DPP4: variants seen among roughly 807,000 people sequenced by gnomAD.
DPP4 encodes ADCP-2.
Under a neutral mutation model 122.4 loss-of-function variants are expected in DPP4, and 93 were observed. That is an observed-to-expected ratio of 0.76 (90% CI 0.64 to 0.90). DPP4 has a LOEUF of 0.90. DPP4 is among the 40% of genes least tolerant of loss of function. The pLI, the probability that DPP4 is intolerant of heterozygous loss-of-function variation, is 0.00. For missense variants in DPP4, 914 were observed against 907.3 expected, an observed-to-expected ratio of 1.01 and a Z score of -0.09; for synonymous variants, 321 against 302.9, an observed-to-expected ratio of 1.06 and a Z score of -0.62.
chr2:162,071,847 C>T (rs930041266), intron 2 of DPP4, among the ~76,000 whole-genome samples: 2 of 152,196 alleles, frequency 1.3e-5, no homozygotes, highest in African/African-American at 4.8e-5. Context: ...AGCCTCAGAT[C>T]CCTAGGCCTT....
chr2:161,998,391 CCTT>C (rs1175455008), intron 23 of DPP4, among the ~76,000 whole-genome samples: 2 of 152,144 alleles, frequency 1.3e-5, no homozygotes, highest in Non-Finnish European at 2.9e-5. Context: ...CTTCCTCCCT[CCTT>C]GTTGCTCTCC....
intron 23 of DPP4, among the ~76,000 whole-genome samples, chr2:161,998,624 C>T (rs1459659313): frequency 6.6e-6 from 1 of 152,156 alleles, no homozygotes; most frequent in Non-Finnish European, 1.5e-5. Flanking sequence ...CATATAAATA[C>T]GCAGGACAGT....
chr2:162,011,706 AT>A, intron 20 of DPP4, 86 bp downstream of exon 20: 1 of 1,367,590 alleles, frequency 7.3e-7, no homozygotes, highest in South Asian at 1.4e-5. Flanking sequence ...AACACTTTAA[AT>A]TATTTACACT....
chr2:162,009,203 C>T (rs192554250), intron 21 of DPP4, 38 bp downstream of exon 21: 1 of 1,602,944 alleles, frequency 6.2e-7, no homozygotes, highest in African/African-American at 1.3e-5. Flanking sequence ...GTGATATTCA[C>T]TAACGAATGC....
chr2:161,993,112 G>A lies in DPP4; in HGVS notation c.*171C>T. 2 of 563,062 alleles carry A rather than the reference G, an allele frequency of 3.6e-6. No homozygotes were observed. The highest frequency in any genetic ancestry group is 2.4e-5 in the South Asian group (1 of 42,454). The allele number at this position is 563,062 out of a possible 1,614,324, so 34.9% of individuals were successfully genotyped here. A position where few individuals can be genotyped will look rare whatever the true frequency, so the allele number is the denominator to read the frequency against. On this transcript the variant is annotated 3_prime_UTR_variant, in exon 26 of 26. Coordinates refer to ENST00000360534, the MANE Select transcript of DPP4 (RefSeq NM_001935.4). ...AAGGTAATAATCTGTTGTGAAGACA[G>A]AAGTCCCTACTTAAGATGATAGGTA... is the stretch of plus-strand genomic sequence containing the variant.
intron 2 of DPP4, among the ~76,000 whole-genome samples, chr2:162,058,641 A>G (rs1447270565): frequency 6.6e-6 from 1 of 152,226 alleles, no homozygotes; most frequent in East Asian, 1.9e-4. Flanking sequence ...TACAACATCT[A>G]GACCTGGAGT....
At chr2:162,046,794 C>T in intron 4 of DPP4, 121 bp downstream of exon 4, 2 of 737,266 alleles carry the variant, frequency 2.7e-6, no homozygotes, top group Non-Finnish European at 4.9e-6. Context: ...GAAAGATCCA[C>T]TTTGCCATAT....
intron 2 of DPP4, among the ~76,000 whole-genome samples, chr2:162,051,883 C>CT (rs1405314928): frequency 1.3e-5 from 2 of 152,142 alleles, no homozygotes; most frequent in Non-Finnish European, 2.9e-5. Flanking sequence ...CATTTCTTGC[C>CT]TTGGGGCCTT....
At chr2:162,073,370 CCTAT>C (rs754703630) in intron 2 of DPP4, 25 bp downstream of exon 2, 13 of 1,611,518 alleles carry the variant, frequency 8.1e-6, no homozygotes, top group Non-Finnish European at 1.1e-5. Flanking sequence ...CTCCAACTGT[CCTAT>C]CTTTTTCAAA....
intron 5 of DPP4, among the ~76,000 whole-genome samples, chr2:162,044,964 C>CTTTTTTT (rs370441659): frequency 7.0e-6 from 1 of 142,070 alleles, no homozygotes; most frequent in African/African-American, 2.6e-5. Context: ...TTCTTTCTTT[C>CTTTTTTT]TTTTTTTTTT....
chr2:162,014,423 G>A lies in DPP4; in HGVS notation c.1610C>T (p.Ser537Phe). Residue 537 changes from serine (S) to phenylalanine (F), a missense_variant, in exon 19 of 26, where the codon TCC becomes TTC. Transcript: ENST00000360534. ...ATCTAATAGTAGAGGATATTTCTTG[G>A]ATTTATCAAAATGAGGAGGCAAGAT... is the stretch of plus-strand genomic sequence containing the variant. ...QMILPPHFDKSKKYPLLLDVY... is the reference protein window; with the variant it reads ...QMILPPHFDKFKKYPLLLDVY... The A allele has an allele frequency of 1.9e-6, 3 of 1,608,122 alleles. No homozygotes were observed. Among genetic ancestry groups the A allele is most frequent in the Non-Finnish European group, 2.5e-6 (3 of 1,176,954 alleles).
chr2:162,052,763 A>C (rs1684426779), intron 2 of DPP4, among the ~76,000 whole-genome samples: 1 of 152,174 alleles, frequency 6.6e-6, no homozygotes, highest in Non-Finnish European at 1.5e-5. Flanking sequence ...AGAAGAAGAG[A>C]GCTGTGGATA....
chr2:162,026,579 C>T (rs1222139908), intron 10 of DPP4, among the ~76,000 whole-genome samples: 2 of 152,172 alleles, frequency 1.3e-5, no homozygotes, highest in Admixed American at 6.5e-5. Flanking sequence ...CCCTCATCCA[C>T]GATGTCTTCT....
chr2:162,038,291 A>G lies in DPP4; in HGVS notation c.613+11T>C, dbSNP rs1683856785. 1 of 1,537,396 alleles carries G rather than the reference A, an allele frequency of 6.5e-7. No individual in the cohort carries two copies. Among genetic ancestry groups the G allele is most frequent in the Non-Finnish European group, 8.7e-7 (1 of 1,148,350 alleles). ...AGATTTTCTGATTTGAAAAAGCTTT[A>G]AAGTTTCTACCTTCATAAACCCAGT... On this transcript the variant is annotated intron_variant, in intron 8 of 25. Transcript: ENST00000360534.
intron 8 of DPP4, 75 bp downstream of exon 8, chr2:162,038,227 C>A: frequency 1.5e-6 from 2 of 1,344,766 alleles, no homozygotes; most frequent in Non-Finnish European, 2.0e-6. Context: ...TTAAATTTTC[C>A]CATTGCAAAA....
intron 2 of DPP4, among the ~76,000 whole-genome samples, chr2:162,048,927 T>G (rs1684285150): frequency 6.6e-6 from 1 of 152,160 alleles, no homozygotes; most frequent in Non-Finnish European, 1.5e-5. Flanking sequence ...AGGCACACAC[T>G]CAAAGAGTTT....
chr2:162,001,210 TG>T (rs1159159760), intron 23 of DPP4, among the ~76,000 whole-genome samples: 1 of 152,208 alleles, frequency 6.6e-6, no homozygotes, highest in Non-Finnish European at 1.5e-5. Context: ...TTGGAGGATC[TG>T]GAGGAGAATT....
intron 12 of DPP4, among the ~76,000 whole-genome samples, 196 bp downstream of exon 12, chr2:162,022,559 A>T (rs1683168762): frequency 6.6e-6 from 1 of 152,018 alleles, no homozygotes. Context: ...TTGTCCCCTT[A>T]CTTTTTCCAA....
chr2:161,995,246 G>A, intron 24 of DPP4, 54 bp downstream of exon 24: 1 of 1,521,020 alleles, frequency 6.6e-7, no homozygotes, highest in Non-Finnish European at 9.1e-7. Context: ...TTTGTCAGTA[G>A]TGAAATTGCA....
Sources: gnomAD v4.1 joint callset for allele counts (sites outside exome capture counted in the v4.1 genomes callset) on GRCh38, gnomAD v4.1.1 for gene constraint, MANE v1.5 for transcripts, NCBI Gene and HGNC (gene_info 2026-07-23, HGNC 2026-07-21) for gene names.